Variants in CTNND2 observed in about 807,000 individuals in gnomAD.
CTNND2 encodes catenin delta 2.
In CTNND2, 22 loss-of-function variants were observed where a neutral mutation model predicts 144.4. That is an observed-to-expected ratio of 0.15 (90% CI 0.11 to 0.22). CTNND2 has a LOEUF of 0.22. CTNND2 is among the 10% of genes least tolerant of loss of function. CTNND2 has a pLI of 1.00. For missense variants in CTNND2, 1,353 were observed against 1,618.8 expected (o/e 0.84, Z 2.82); for synonymous variants, 751 against 695.6 (o/e 1.08, Z -1.25).
At chr5:11,288,907 T>C (rs1367848745) in intron 9 of CTNND2, among the ~76,000 whole-genome samples, 2 of 151,668 alleles carry the variant, frequency 1.3e-5, no homozygotes, top group East Asian at 1.9e-4. Flanking sequence ...AGGAGGCACC[T>C]TTAGGGGTGC....
chr5:11,296,058 G>A (rs1306600190), intron 9 of CTNND2, among the ~76,000 whole-genome samples: 1 of 110,540 alleles, frequency 9.0e-6, no homozygotes, highest in Non-Finnish European at 1.9e-5. Context: ...CCTACAGAAT[G>A]GGAGAAAATT....
At chr5:11,866,672 A>G (rs1795784491) in intron 1 of CTNND2, among the ~76,000 whole-genome samples, 1 of 152,274 alleles carries the variant, frequency 6.6e-6, no homozygotes, top group Admixed American at 6.5e-5. Flanking sequence ...CTCCTACTGC[A>G]TTTTTCCTAC....
intron 2 of CTNND2, among the ~76,000 whole-genome samples, chr5:11,705,659 G>C (rs973239318): frequency 6.6e-6 from 1 of 152,188 alleles, no homozygotes; most frequent in African/African-American, 2.4e-5. Flanking sequence ...TCTGAAGAGA[G>C]TGAACATCCC....
At chr5:11,640,813 A>C (rs1781960676) in intron 2 of CTNND2, among the ~76,000 whole-genome samples, 1 of 152,072 alleles carries the variant, frequency 6.6e-6, no homozygotes, top group Non-Finnish European at 1.5e-5. Context: ...TTGGATGAGA[A>C]AGAGTCATTT....
chr5:11,041,557 T>C (rs967756749), intron 16 of CTNND2, among the ~76,000 whole-genome samples: 1 of 152,146 alleles, frequency 6.6e-6, no homozygotes, highest in Non-Finnish European at 1.5e-5. Context: ...TTCCCTGTCA[T>C]GCATTTATTC....
intron 9 of CTNND2, among the ~76,000 whole-genome samples, chr5:11,259,852 G>A (rs981544457): frequency 5.9e-5 from 9 of 152,148 alleles, no homozygotes; most frequent in African/African-American, 1.7e-4. Flanking sequence ...AGCCTGGAAT[G>A]GATTTAGCTC....
chr5:11,275,831 T>C (rs1746464824), intron 9 of CTNND2, among the ~76,000 whole-genome samples: 2 of 152,266 alleles, frequency 1.3e-5, no homozygotes, highest in Non-Finnish European at 2.9e-5. Context: ...AATGTGTTTC[T>C]TCAAAAGACA....
At chr5:11,344,236 C>A (rs1754540585) in intron 9 of CTNND2, among the ~76,000 whole-genome samples, 2 of 151,642 alleles carry the variant, frequency 1.3e-5, no homozygotes, top group Non-Finnish European at 2.9e-5. Context: ...ACTAAAAATA[C>A]AAAAAATTAG....
chr5:11,850,084 A>G (rs1794944514), intron 1 of CTNND2, among the ~76,000 whole-genome samples: 1 of 152,318 alleles, frequency 6.6e-6, no homozygotes, highest in Admixed American at 6.5e-5. Context: ...TAATAAAAAA[A>G]CAGAATAATA....
chr5:11,305,809 C>T (rs1750131569), intron 9 of CTNND2, among the ~76,000 whole-genome samples: 1 of 152,132 alleles, frequency 6.6e-6, no homozygotes, highest in Admixed American at 6.5e-5. Context: ...TCTTCTCGAG[C>T]GCATCTGAGA....
chr5:11,396,504 T>C (rs1200687937), intron 6 of CTNND2, among the ~76,000 whole-genome samples: 1 of 152,174 alleles, frequency 6.6e-6, no homozygotes, highest in Non-Finnish European at 1.5e-5. Context: ...GGAGGGCAAA[T>C]TTCAAAATCA....
intron 2 of CTNND2, among the ~76,000 whole-genome samples, chr5:11,662,203 A>G (rs184797517): frequency 2.2e-5 from 3 of 139,070 alleles, no homozygotes; most frequent in African/African-American, 5.8e-5. Flanking sequence ...ATGTGTATAT[A>G]TGTATATATA....
At chr5:11,239,060 A>G (rs1741945294) in intron 9 of CTNND2, among the ~76,000 whole-genome samples, 1 of 152,274 alleles carries the variant, frequency 6.6e-6, no homozygotes. Context: ...GTAAATTAAA[A>G]TTAGGAGTGT....
intron 20 of CTNND2, among the ~76,000 whole-genome samples, chr5:10,984,474 T>C (rs1378778074): frequency 6.6e-6 from 1 of 151,958 alleles, no homozygotes; most frequent in Non-Finnish European, 1.5e-5. Context: ...CTCCCTGTTG[T>C]GAAATCATAA....
At chr5:11,606,587 C>T (rs1243423111) in intron 2 of CTNND2, among the ~76,000 whole-genome samples, 1 of 152,096 alleles carries the variant, frequency 6.6e-6, no homozygotes, top group Non-Finnish European at 1.5e-5. Context: ...CTTGAGATAT[C>T]TTATCATTCA....
rs557864590 is a variant in CTNND2 at position 11,091,811 on chromosome 5, G to A, written c.2637+6764C>T. On this transcript the variant is annotated intron_variant, in intron 15 of 21. Coordinates refer to ENST00000304623, the MANE Select transcript of CTNND2 (RefSeq NM_001332.4). ...TATATGCACCCCCACATGAGTGTCC[G>A]ATTTCATTCTCCCTAATAATTTCAG... is the stretch of plus-strand genomic sequence containing the variant. 1.1e-4 allele frequency among the ~76,000 whole-genome samples: 16 copies of A among 152,216 alleles called. No homozygotes were observed. In the South Asian group the frequency reaches 2.5e-3, roughly 24 times the overall value.
At chr5:11,430,268 AAAGG>A (rs1763166030) in intron 3 of CTNND2, among the ~76,000 whole-genome samples, 1 of 148,574 alleles carries the variant, frequency 6.7e-6, no homozygotes, top group Non-Finnish European at 1.5e-5. Context: ...AAAAAAAAAA[AAAGG>A]AGTTTTTTTT....
intron 11 of CTNND2, among the ~76,000 whole-genome samples, chr5:11,172,675 G>A (rs958618056): frequency 6.6e-6 from 1 of 152,214 alleles, no homozygotes; most frequent in African/African-American, 2.4e-5. Context: ...TAAGGATGGA[G>A]AGCGCCAATG....
chr5:11,129,516 C>A (rs1360156733), intron 12 of CTNND2, among the ~76,000 whole-genome samples: 1 of 150,242 alleles, frequency 6.7e-6, no homozygotes, highest in Non-Finnish European at 1.5e-5. Context: ...GAACTACGTG[C>A]TTCAATATAT....
Sources: gnomAD v4.1 joint callset for allele counts (sites outside exome capture counted in the v4.1 genomes callset) on GRCh38, gnomAD v4.1.1 for gene constraint, MANE v1.5 for transcripts, NCBI Gene and HGNC (gene_info 2026-07-23, HGNC 2026-07-21) for gene names.